DISP1: variants seen among roughly 807,000 people sequenced by gnomAD.
The protein encoded by DISP1 is protein dispatched homolog 1.
A neutral mutation model predicts 37.3 loss-of-function variants in DISP1; 30 were observed. The ratio of observed to expected loss-of-function variants is 0.80; its 90% CI spans 0.60 to 1.09. DISP1 has a LOEUF of 1.09. DISP1 is among the 50% of genes least tolerant of loss of function. The pLI is 0.00. For synonymous variants in DISP1, 634 were observed against 690.2 expected, an observed-to-expected ratio of 0.92 and a Z score of 1.28; for missense variants, 1,598 against 1,879.5, an observed-to-expected ratio of 0.85 and a Z score of 2.77.
At chr1:222,848,148 A>C (rs531020718) in intron 1 of DISP1, among the ~76,000 whole-genome samples, 40 of 152,246 alleles carry the variant, frequency 2.6e-4, no homozygotes, top group Middle Eastern at 3.4e-3. Context: ...TTGAAATGCC[A>C]TCTCCATTGT....
At chr1:222,911,759 T>C (rs920443319) in intron 1 of DISP1, among the ~76,000 whole-genome samples, 2 of 152,078 alleles carry the variant, frequency 1.3e-5, no homozygotes, top group Non-Finnish European at 2.9e-5. Context: ...TTCCAACTCA[T>C]GGCCTCAAGT....
intron 1 of DISP1, among the ~76,000 whole-genome samples, chr1:222,896,247 G>A (rs2125396314): frequency 6.6e-6 from 1 of 152,120 alleles, no homozygotes; most frequent in East Asian, 1.9e-4. Flanking sequence ...AGTCAAGGCT[G>A]CAGTGAGCCA....
chr1:222,939,395 C>A (rs1572564743), intron 2 of DISP1, among the ~76,000 whole-genome samples: 2 of 117,186 alleles, frequency 1.7e-5, no homozygotes, highest in Non-Finnish European at 3.3e-5. Flanking sequence ...TGAGGATAAG[C>A]AGATTTAATT....
chr1:222,991,484 G>A (rs1335082035), intron 5 of DISP1, 36 bp from the exon 6 acceptor site: 1 of 1,612,878 alleles, frequency 6.2e-7, no homozygotes, highest in Non-Finnish European at 8.5e-7. Context: ...AGCCTGAAAT[G>A]AAATATACTA....
At chr1:222,946,294 G>C (rs548658468) in intron 3 of DISP1, among the ~76,000 whole-genome samples, 88 of 148,150 alleles carry the variant, frequency 5.9e-4, no homozygotes, top group African/African-American at 1.9e-3. Flanking sequence ...TGAGACAGGA[G>C]AATGGCGTGA....
rs999861838 is a variant in DISP1, at chr1:222,893,628, T to C, written c.-158-34802T>C. ...CTGCGGCTTGACCAGATGTACTGCA[T>C]GCAGCTTCCACTGCGGGCACCCATG... On this transcript the variant is annotated intron_variant, in intron 1 of 8. Transcript: ENST00000675850. The surrounding 1 kb of genome is among the most constrained non-coding windows in gnomAD (Gnocchi z 4.3). Among the ~76,000 whole-genome samples the C allele has an allele frequency of 2.0e-5, 3 of 152,242 alleles. No individual in the cohort carries two copies. The highest frequency in any genetic ancestry group is 4.4e-5 in the Non-Finnish European group (3 of 68,036).
intron 2 of DISP1, among the ~76,000 whole-genome samples, chr1:222,929,220 A>C (rs1343820143): frequency 6.6e-6 from 1 of 152,178 alleles, no homozygotes; most frequent in East Asian, 1.9e-4. Flanking sequence ...TAGTGACTGC[A>C]TATGATTGGA....
intron 1 of DISP1, among the ~76,000 whole-genome samples, chr1:222,865,786 C>CACACACACACAGAT (rs1572375123): frequency 6.6e-6 from 1 of 151,926 alleles, no homozygotes; most frequent in East Asian, 1.9e-4. Flanking sequence ...GATTTTTATA[C>CACACACACACAGAT]ACACACACAC....
chr1:222,888,900 A>G (rs1670789462), intron 1 of DISP1, among the ~76,000 whole-genome samples: 1 of 151,956 alleles, frequency 6.6e-6, no homozygotes, highest in African/African-American at 2.4e-5. Context: ...CTCTTTCTTC[A>G]AAAAATTTTT....
intron 1 of DISP1, among the ~76,000 whole-genome samples, chr1:222,866,928 A>G (rs61840274): frequency 0.24 from 37,212 of 152,074 alleles, 4,667 homozygotes; most frequent in South Asian, 0.33. Flanking sequence ...ATTCAGTCCA[A>G]TGAAGAAGAG....
At chr1:222,978,997 G>A (rs961508770) in intron 3 of DISP1, among the ~76,000 whole-genome samples, 6 of 151,806 alleles carry the variant, frequency 4.0e-5, no homozygotes, top group East Asian at 1.9e-4. Flanking sequence ...TTGACTTGGC[G>A]ATGCAGGCTC....
intron 1 of DISP1, among the ~76,000 whole-genome samples, chr1:222,876,229 T>C (rs1244307803): frequency 6.6e-6 from 1 of 152,172 alleles, no homozygotes; most frequent in Non-Finnish European, 1.5e-5. Flanking sequence ...ACATTAATTG[T>C]GTGTGGTGAG....
At chr1:222,938,762 A>G (rs957237310) in intron 2 of DISP1, among the ~76,000 whole-genome samples, 4 of 122,394 alleles carry the variant, frequency 3.3e-5, no homozygotes, top group South Asian at 3.0e-4. Context: ...AAAAAAAAAA[A>G]GGAAGGAAGG....
At chr1:222,828,330 T>C (rs1204109165) in intron 1 of DISP1, among the ~76,000 whole-genome samples, 7 of 152,194 alleles carry the variant, frequency 4.6e-5, no homozygotes, top group Non-Finnish European at 8.8e-5. Flanking sequence ...ATTTCTTTTT[T>C]TCTCTATGGT....
At chr1:222,838,501 G>T (rs1394672034) in intron 1 of DISP1, among the ~76,000 whole-genome samples, 2 of 151,896 alleles carry the variant, frequency 1.3e-5, no homozygotes, top group Non-Finnish European at 2.9e-5. Context: ...GGGCATGGTG[G>T]CTTATGCTTT....
chr1:222,978,134 G>A (rs551066899), intron 3 of DISP1, among the ~76,000 whole-genome samples: 17 of 152,138 alleles, frequency 1.1e-4, no homozygotes, highest in African/African-American at 2.9e-4. Flanking sequence ...ACTAGTTTAC[G>A]GTCCCAGTGT....
chr1:222,931,681 G>A (rs1572537577), intron 2 of DISP1, among the ~76,000 whole-genome samples: 1 of 73,694 alleles, frequency 1.4e-5, no homozygotes. Flanking sequence ...ATGCCACCAG[G>A]AATCTTTTTT....
chr1:222,992,491 T>G (rs1358215019), intron 7 of DISP1, among the ~76,000 whole-genome samples: 1 of 152,226 alleles, frequency 6.6e-6, no homozygotes, highest in Non-Finnish European at 1.5e-5. Flanking sequence ...TCTGTTGAAT[T>G]ATTAAAAAAT....
At chr1:222,841,749 G>A (rs1357490732) in intron 1 of DISP1, among the ~76,000 whole-genome samples, 4 of 152,100 alleles carry the variant, frequency 2.6e-5, no homozygotes, top group Non-Finnish European at 4.4e-5. Context: ...CATATTTGAT[G>A]TCTGTGTGCT....
Sources: gnomAD v4.1 joint callset for allele counts (sites outside exome capture counted in the v4.1 genomes callset) on GRCh38, gnomAD v4.1.1 for gene constraint, Gnocchi (gnomAD v3.1) non-coding constraint, MANE v1.5 for transcripts, NCBI Gene and HGNC (gene_info 2026-07-23, HGNC 2026-07-21) for gene names.